GRIP2: variants seen among roughly 807,000 people sequenced by gnomAD.
The protein encoded by GRIP2 is glutamate receptor interacting protein 2.
Under a neutral mutation model 108.3 loss-of-function variants are expected in GRIP2, and 58 were observed. The ratio of observed to expected loss-of-function variants is 0.54; its 90% CI spans 0.43 to 0.67. The LOEUF is 0.67. Ranked by LOEUF, GRIP2 falls within the 30% of genes least tolerant of loss-of-function variation. The probability of loss-of-function intolerance (pLI) is 0.00; values close to 1 mark genes in which losing one functional copy is unlikely to be tolerated. For missense variants in GRIP2, 1,278 were observed against 1,430.6 expected (o/e 0.89, Z 1.72); for synonymous variants, 586 against 598.2 (o/e 0.98, Z 0.30).
chr3:14,589,784 T>TTA, the GRIP2 span, among the ~76,000 whole-genome samples: 1 of 150,256 alleles, frequency 6.7e-6, no homozygotes, highest in South Asian at 2.1e-4. Flanking sequence ...CTACACTTTT[T>TTA]TTTTTTTTTT....
At chr3:14,530,979 T>C (rs1347631492) in intron 1 of GRIP2, 2 of 152,220 alleles carry the variant, frequency 1.3e-5, no homozygotes, top group African/African-American at 4.8e-5. Flanking sequence ...TATTTTTTTT[T>C]GCAAAACTAC....
At chr3:14,601,265 G>T in the GRIP2 span, among the ~76,000 whole-genome samples, 1 of 152,118 alleles carries the variant, frequency 6.6e-6, no homozygotes, top group Admixed American at 6.5e-5. Context: ...CTTTAAAGAG[G>T]CAGAAAGTGA....
the GRIP2 span, among the ~76,000 whole-genome samples, chr3:14,593,694 A>G: frequency 1.3e-5 from 2 of 152,220 alleles, no homozygotes; most frequent in Admixed American, 6.5e-5. Context: ...GGCTAAAGGC[A>G]TTGAGGTTCC....
intron 21 of GRIP2, 134 bp downstream of exon 21, chr3:14,503,432 G>A (rs1693822761): frequency 6.3e-6 from 4 of 634,508 alleles, no homozygotes; most frequent in Non-Finnish European, 1.1e-5. Flanking sequence ...TTTCCCACAG[G>A]GTGCCCAGGT....
intron 1 of GRIP2, among the ~76,000 whole-genome samples, chr3:14,526,481 G>T (rs951433255): frequency 1.3e-5 from 2 of 152,144 alleles, no homozygotes; most frequent in Non-Finnish European, 2.9e-5. Flanking sequence ...TTCCTCATGA[G>T]GACTGCACTT....
chr3:14,504,974 C>T (rs1372253729), intron 20 of GRIP2, among the ~76,000 whole-genome samples: 1 of 152,150 alleles, frequency 6.6e-6, no homozygotes, highest in African/African-American at 2.4e-5. Context: ...GTAGGAGCAG[C>T]TGTGGGTACC....
At chr3:14,581,699 C>T in the GRIP2 span, among the ~76,000 whole-genome samples, 2 of 152,220 alleles carry the variant, frequency 1.3e-5, no homozygotes, top group Admixed American at 6.5e-5. Context: ...GATGGGAAGA[C>T]CAAGCTCTGA....
chr3:14,555,435 G>A (rs922115386), intron 1 of GRIP2, among the ~76,000 whole-genome samples: 7 of 152,274 alleles, frequency 4.6e-5, no homozygotes, highest in African/African-American at 1.7e-4. Context: ...GAGAGACCCA[G>A]GGAGAGACAG....
chr3:14,593,585 C>A, the GRIP2 span, among the ~76,000 whole-genome samples: 1 of 152,212 alleles, frequency 6.6e-6, no homozygotes, highest in East Asian at 1.9e-4. Flanking sequence ...GTGTGACAAA[C>A]CACCAACGAT....
At chr3:14,528,326 G>A (rs946441366) in intron 1 of GRIP2, among the ~76,000 whole-genome samples, 1 of 152,170 alleles carries the variant, frequency 6.6e-6, no homozygotes, top group Non-Finnish European at 1.5e-5. Context: ...AGTTTTTGGT[G>A]ATTTTGAATA....
intron 9 of GRIP2, among the ~76,000 whole-genome samples, chr3:14,518,706 C>A (rs964529548): frequency 1.3e-5 from 2 of 152,190 alleles, no homozygotes; most frequent in African/African-American, 4.8e-5. Flanking sequence ...CCTTGAGCCA[C>A]ATCTCCACAG....
At chr3:14,516,651 G>A (rs1370041621) in intron 11 of GRIP2, among the ~76,000 whole-genome samples, 2 of 152,112 alleles carry the variant, frequency 1.3e-5, no homozygotes, top group African/African-American at 4.8e-5. Context: ...TTGTCTTAGG[G>A]GAAATTAACA....
At chr3:14,501,383 G>T (rs756508946) in intron 21 of GRIP2, among the ~76,000 whole-genome samples, 8 of 152,164 alleles carry the variant, frequency 5.3e-5, no homozygotes, top group Non-Finnish European at 1.0e-4. Context: ...TAAACAGGAA[G>T]TTTACATTAG....
chr3:14,493,445 G>T lies in GRIP2; in HGVS notation c.*220C>A. The T allele has an allele frequency of 1.8e-6, 1 of 558,834 alleles. No homozygotes were observed. The highest frequency in any genetic ancestry group is 3.1e-6 in the Non-Finnish European group (1 of 326,028). The allele number at this position is 558,834 out of a possible 1,614,324, so 34.6% of individuals were successfully genotyped here. On this transcript the variant is annotated 3_prime_UTR_variant, in exon 24 of 24. Coordinates refer to ENST00000621039, the MANE Select transcript of GRIP2 (RefSeq NM_001080423.4). ...CTGGGCATCTTGGAGACCCAACTTGGCGAGAGACCCCAGCTGTCACTCCAA... is the reference window on the plus strand; with the variant it reads ...CTGGGCATCTTGGAGACCCAACTTGTCGAGAGACCCCAGCTGTCACTCCAA...
the GRIP2 span, among the ~76,000 whole-genome samples, chr3:14,594,323 C>G: frequency 6.6e-6 from 1 of 152,220 alleles, no homozygotes; most frequent in African/African-American, 2.4e-5. Context: ...AGCCCTGCCC[C>G]GGGCTCTGGG....
At chr3:14,572,243 A>G in the GRIP2 span, among the ~76,000 whole-genome samples, 1 of 151,518 alleles carries the variant, frequency 6.6e-6, no homozygotes, top group Non-Finnish European at 1.5e-5. Context: ...AAATGGCGGC[A>G]TATTCACGCA....
the GRIP2 span, among the ~76,000 whole-genome samples, chr3:14,596,710 A>G: frequency 6.6e-6 from 1 of 152,062 alleles, no homozygotes; most frequent in Non-Finnish European, 1.5e-5. Flanking sequence ...GGACCAAAGG[A>G]CTGCTATCTT....
the GRIP2 span, among the ~76,000 whole-genome samples, chr3:14,565,879 A>G: frequency 6.6e-5 from 10 of 152,258 alleles, no homozygotes; most frequent in East Asian, 1.7e-3. Flanking sequence ...CCTGCCATGC[A>G]TCTCACCCCC....
Position 14,521,930 on chromosome 3 carries a change from G to A in GRIP2, c.567-143C>T. The A allele has an allele frequency of 4.1e-6, 3 of 727,248 alleles. No individual in the cohort carries two copies. The highest frequency in any genetic ancestry group is 4.0e-5 in the South Asian group (2 of 49,392). The allele number at this position is 727,248 out of a possible 1,614,324, so 45.0% of individuals were successfully genotyped here. A position where few individuals can be genotyped will look rare whatever the true frequency, so the allele number is the denominator to read the frequency against. On this transcript the variant is annotated intron_variant, in intron 6 of 23. Coordinates refer to ENST00000621039, the MANE Select transcript of GRIP2 (RefSeq NM_001080423.4). The surrounding 1 kb of genome is among the most constrained non-coding windows in gnomAD (Gnocchi z 5.1). The stretch of plus-strand genomic sequence containing the variant: ...GAAGGGGAGGAGGGGACGGGTGAAG[G>A]GGCGCATGAGTGAGTGAAGGAATGA...
Sources: allele counts gnomAD v4.1 joint callset (sites outside exome capture counted in the v4.1 genomes callset), GRCh38; gene constraint gnomAD v4.1.1; non-coding constraint Gnocchi (gnomAD v3.1); transcripts MANE v1.5; gene names NCBI Gene and HGNC (gene_info 2026-07-23, HGNC 2026-07-21).